XRCC5: variants seen among roughly 807,000 people sequenced by gnomAD.
XRCC5 encodes the protein X-ray repair cross complementing 5.
XRCC5 carries 12 observed loss-of-function variants against 95.7 expected under a neutral mutation model. The observed-to-expected ratio is 0.13, with a 90% CI of 0.08 to 0.20. The LOEUF is 0.20. Ranked by LOEUF, XRCC5 falls within the 10% of genes least tolerant of loss-of-function variation. XRCC5 has a pLI of 1.00. For missense variants in XRCC5, 595 were observed against 873.9 expected (o/e 0.68, Z 4.02); for synonymous variants, 281 against 290.3 (o/e 0.97, Z 0.33).
chr2:216,173,654 C>T (rs1031037024), intron 16 of XRCC5, among the ~76,000 whole-genome samples: 81 of 152,150 alleles, frequency 5.3e-4, no homozygotes, highest in African/African-American at 2.0e-3. Context: ...AACTTAATCC[C>T]CATTCTAACG....
chr2:216,189,023 A>G (rs1689563052), intron 16 of XRCC5, among the ~76,000 whole-genome samples: 1 of 152,210 alleles, frequency 6.6e-6, no homozygotes. Flanking sequence ...TACTTCATCC[A>G]GTTTTTTAAT....
rs114280824 is a variant in XRCC5, at chr2:216,147,370, T to C, written c.1477-713T>C. Among the ~76,000 whole-genome samples, 1,343 of 152,112 alleles carry C rather than the reference T, an allele frequency of 8.8e-3. 21 individuals are homozygous for C. Among genetic ancestry groups the C allele is most frequent in the African/African-American group, 0.031 (1,300 of 41,478 alleles). On this transcript the variant is annotated intron_variant, in intron 13 of 20. Coordinates refer to ENST00000392132, the MANE Select transcript of XRCC5 (RefSeq NM_021141.4). Reference sequence around the variant, plus strand: ...CGAGGAGGCAAGCAGGGCTGCATCATAGGACCCTAGGGTATGGTGAGCAGT... The same window carrying C: ...CGAGGAGGCAAGCAGGGCTGCATCACAGGACCCTAGGGTATGGTGAGCAGT...
chr2:216,126,891 C>T (rs1696907126), intron 7 of XRCC5, among the ~76,000 whole-genome samples: 1 of 151,750 alleles, frequency 6.6e-6, no homozygotes, highest in Non-Finnish European at 1.5e-5. Flanking sequence ...TGATTTCTGA[C>T]ACAGATATAT....
intron 6 of XRCC5, among the ~76,000 whole-genome samples, chr2:216,124,802 A>G (rs1029832049): frequency 6.6e-6 from 1 of 152,150 alleles, no homozygotes; most frequent in African/African-American, 2.4e-5. Context: ...TTTGTCATTA[A>G]TTTCTTTGCT....
chr2:216,114,602 A>AG (rs1411180288), intron 2 of XRCC5, among the ~76,000 whole-genome samples: 1 of 151,776 alleles, frequency 6.6e-6, no homozygotes, highest in Non-Finnish European at 1.5e-5. Context: ...AGGGCAAGGG[A>AG]GGGGCCCCAA....
In XRCC5 at chr2:216,135,362, A is replaced by AGGTATG. The variant is rs749330673; in HGVS notation, c.1114-1726_1114-1725insGGTATG. ...GGAGGTAATGGTATGAGCAAAGGCC[A>AGGTATG]AGTATGAGACCTGCCCCCAGTCAGT... On this transcript the variant is annotated intron_variant, in intron 10 of 20. Transcript: ENST00000392132. Among the ~76,000 whole-genome samples, 869 of 152,290 alleles carry AGGTATG rather than the reference A, an allele frequency of 5.7e-3. 4 individuals are homozygous for AGGTATG. Among genetic ancestry groups the AGGTATG allele is most frequent in the Middle Eastern group, 0.02 (6 of 294 alleles).
intron 16 of XRCC5, among the ~76,000 whole-genome samples, chr2:216,163,017 C>G (rs1285985286): frequency 6.6e-6 from 1 of 152,150 alleles, no homozygotes; most frequent in East Asian, 1.9e-4. Context: ...CTATTATATT[C>G]ATTATTGCTG....
chr2:216,138,277 G>A lies in XRCC5; in HGVS notation c.1342+98G>A. ...GTTGGTTGGGGCTAGGTATTTATAG[G>A]GTGCAATTAGTTGGATTTCCAATCA... On this transcript the variant is annotated intron_variant, in intron 12 of 20. Coordinates refer to ENST00000392132, the MANE Select transcript of XRCC5 (RefSeq NM_021141.4). The A allele has an allele frequency of 2.0e-6, 2 of 1,019,890 alleles. 1 individual carries two copies. The highest frequency in any genetic ancestry group is 2.7e-5 in the South Asian group (2 of 73,196). The allele number at this position is 1,019,890 out of a possible 1,614,324, so 63.2% of individuals were successfully genotyped here.
At chr2:216,158,096 C>T (rs1688880908) in intron 14 of XRCC5, among the ~76,000 whole-genome samples, 1 of 152,178 alleles carries the variant, frequency 6.6e-6, no homozygotes, top group African/African-American at 2.4e-5. Flanking sequence ...CCTTCTTTCC[C>T]TAGAACCTCA....
Position 216,163,677 on chromosome 2 carries a change from G to GA in XRCC5, c.1834+1631dup, listed in dbSNP as rs1464617452. Among the ~76,000 whole-genome samples the GA allele has an allele frequency of 2.0e-5, 3 of 152,138 alleles. No individual in the cohort carries two copies. The East Asian group carries it at 5.8e-4, about 29-fold the overall frequency. ...ATGCATCTTACTACTTGCAGTCTAG[G>GA]AATCCTGGCAAGATCCCCAGATCTA... On this transcript the variant is annotated intron_variant, in intron 16 of 20. Coordinates refer to ENST00000392132, the MANE Select transcript of XRCC5 (RefSeq NM_021141.4).
intron 2 of XRCC5, among the ~76,000 whole-genome samples, chr2:216,114,177 A>G (rs1244979558): frequency 1.3e-5 from 2 of 152,202 alleles, no homozygotes; most frequent in Non-Finnish European, 2.9e-5. Flanking sequence ...TGTAAACACT[A>G]TGTAAGCATC....
intron 19 of XRCC5, among the ~76,000 whole-genome samples, chr2:216,200,424 C>G (rs1161973258): frequency 6.6e-6 from 1 of 152,182 alleles, no homozygotes; most frequent in Non-Finnish European, 1.5e-5. Flanking sequence ...CCTTAATTCT[C>G]TGGTGTAGTT....
rs577007172 is a variant in XRCC5, at chr2:216,169,834, A to G, written c.1834+7786A>G. Among the ~76,000 whole-genome samples the G allele has an allele frequency of 2.6e-5, 4 of 151,364 alleles. No homozygotes were observed. The East Asian group carries it at 7.7e-4, about 29-fold the overall frequency. The stretch of plus-strand genomic sequence containing the variant: ...GCTGAGGTGGGCAGATCAGGAGGTC[A>G]AGAGATTGAGACCATCCTGGGCAAC... On this transcript the variant is annotated intron_variant, in intron 16 of 20. Transcript: ENST00000392132.
intron 16 of XRCC5, among the ~76,000 whole-genome samples, chr2:216,167,292 A>T (rs756216319): frequency 5.3e-5 from 8 of 152,136 alleles, no homozygotes; most frequent in Admixed American, 1.3e-4. Flanking sequence ...AATCTCACTT[A>T]CTAGAAACAT....
At chr2:216,187,815 AC>A (rs1689527026) in intron 16 of XRCC5, among the ~76,000 whole-genome samples, 1 of 90,300 alleles carries the variant, frequency 1.1e-5, no homozygotes. Context: ...ACACACACAC[AC>A]ACACACTCTC....
At chr2:216,178,130 AC>A (rs1442286114) in intron 16 of XRCC5, among the ~76,000 whole-genome samples, 1 of 152,218 alleles carries the variant, frequency 6.6e-6, no homozygotes, top group Non-Finnish European at 1.5e-5. Context: ...GTATTGTGTC[AC>A]CCCATGAAAA....
intron 12 of XRCC5, among the ~76,000 whole-genome samples, chr2:216,138,451 T>G (rs1316826603): frequency 6.6e-6 from 1 of 152,234 alleles, no homozygotes; most frequent in Non-Finnish European, 1.5e-5. Flanking sequence ...GATGTCCATC[T>G]CTAGTTGTGA....
At chr2:216,152,086 A>G (rs927375201) in intron 14 of XRCC5, among the ~76,000 whole-genome samples, 1 of 152,198 alleles carries the variant, frequency 6.6e-6, no homozygotes, top group Non-Finnish European at 1.5e-5. Context: ...AACCGCCCCC[A>G]TAATCCATTC....
chr2:216,156,725 A>G (rs552688300), intron 14 of XRCC5: 3 of 537,014 alleles, frequency 5.6e-6, no homozygotes, highest in East Asian at 5.3e-5. Flanking sequence ...CACAAGATTT[A>G]TTCCTCAAAT....
Sources: gnomAD v4.1 joint callset for allele counts (sites outside exome capture counted in the v4.1 genomes callset) on GRCh38, gnomAD v4.1.1 for gene constraint, MANE v1.5 for transcripts, NCBI Gene and HGNC (gene_info 2026-07-23, HGNC 2026-07-21) for gene names.